APBB2: variants seen among roughly 807,000 people sequenced by gnomAD.
APBB2 encodes the protein Fe65-like 1.
In APBB2, 38 loss-of-function variants were observed where a neutral mutation model predicts 82.5. The observed-to-expected ratio is 0.46, with a 90% CI of 0.36 to 0.60. The LOEUF (loss-of-function observed/expected upper bound fraction) is 0.60, where lower values mean the gene tolerates loss of function less well. Ranked by LOEUF, APBB2 falls within the 20% of genes least tolerant of loss-of-function variation. The pLI is 0.00. For synonymous variants in APBB2, 341 were observed against 368.2 expected (o/e 0.93, Z 0.85); for missense variants, 772 against 972.3 (o/e 0.79, Z 2.74).
chr4:41,163,691 G>T (rs1025640170), intron 1 of APBB2, among the ~76,000 whole-genome samples: 12 of 152,244 alleles, frequency 7.9e-5, no homozygotes, highest in Middle Eastern at 6.8e-3. Context: ...GGGAACACTG[G>T]ACCAATCCAC....
At chr4:41,025,651 GCTCATGCC>G (rs1678913505) in intron 5 of APBB2, among the ~76,000 whole-genome samples, 1 of 152,080 alleles carries the variant, frequency 6.6e-6, no homozygotes, top group Admixed American at 6.5e-5. Flanking sequence ...AGTCATGGTG[GCTCATGCC>G]TGTAATCCTA....
At chr4:40,984,608 G>A (rs1306841008) in intron 6 of APBB2, among the ~76,000 whole-genome samples, 1 of 152,112 alleles carries the variant, frequency 6.6e-6, no homozygotes, top group Non-Finnish European at 1.5e-5. Context: ...GGAGTGATAA[G>A]CGTTCTTCTA....
At chr4:40,830,391 C>A in intron 13 of APBB2, 72 bp downstream of exon 13, 1 of 1,050,828 alleles carries the variant, frequency 9.5e-7, no homozygotes, top group Non-Finnish European at 1.5e-6. Context: ...CCCACTCCCC[C>A]GCCCTTCCAC....
chr4:40,946,533 C>T (rs1223295695), intron 6 of APBB2, among the ~76,000 whole-genome samples: 1 of 151,998 alleles, frequency 6.6e-6, no homozygotes, highest in African/African-American at 2.4e-5. Flanking sequence ...TATCTGCTGG[C>T]TTTTAAAAAT....
intron 10 of APBB2, among the ~76,000 whole-genome samples, chr4:40,914,992 C>T (rs1023828240): frequency 3.9e-5 from 6 of 152,128 alleles, no homozygotes; most frequent in Admixed American, 1.3e-4. Context: ...AGTCATCTGA[C>T]AAGAGAGGGG....
At chr4:41,198,930 T>C (rs1175768700) in intron 1 of APBB2, among the ~76,000 whole-genome samples, 3 of 152,316 alleles carry the variant, frequency 2.0e-5, no homozygotes, top group African/African-American at 7.2e-5. Flanking sequence ...TCTACCTGTG[T>C]GTCTGTGTCC....
intron 1 of APBB2, among the ~76,000 whole-genome samples, chr4:41,144,219 C>A (rs1760048689): frequency 6.6e-6 from 1 of 152,176 alleles, no homozygotes; most frequent in Admixed American, 6.5e-5. Flanking sequence ...CAAAACAGTC[C>A]TCGTCACAAG....
chr4:41,176,038 C>T (rs1769682135), intron 1 of APBB2, among the ~76,000 whole-genome samples: 2 of 152,124 alleles, frequency 1.3e-5, no homozygotes, highest in African/African-American at 4.8e-5. Context: ...ATGAATGTAA[C>T]ATTTTTCACA....
intron 1 of APBB2, among the ~76,000 whole-genome samples, chr4:41,159,907 A>AAGGAGAAGGAGGAGGAGGAGG (rs1267899128): frequency 5.6e-5 from 2 of 35,618 alleles, no homozygotes; most frequent in Non-Finnish European, 9.9e-5. Context: ...GAAGAAGGAG[A>AAGGAGAAGGAGGAGGAGGAGG]AGGAGGAGGA....
chr4:40,981,668 G>A (rs1798508676), intron 6 of APBB2, among the ~76,000 whole-genome samples: 2 of 152,196 alleles, frequency 1.3e-5, no homozygotes, highest in Non-Finnish European at 2.9e-5. Flanking sequence ...AGGCCACCAT[G>A]ATGATGTACC....
intron 6 of APBB2, among the ~76,000 whole-genome samples, chr4:40,970,698 T>A (rs989719747): frequency 1.3e-5 from 2 of 152,032 alleles, no homozygotes; most frequent in African/African-American, 4.8e-5. Flanking sequence ...GAGGCACCAC[T>A]GGTAGGTAGA....
intron 6 of APBB2, among the ~76,000 whole-genome samples, chr4:41,003,041 CT>C (rs1238690970): frequency 6.6e-6 from 1 of 152,152 alleles, no homozygotes; most frequent in Non-Finnish European, 1.5e-5. Flanking sequence ...GCCAGCACCC[CT>C]CAACTATGCC....
At chr4:40,819,747 C>G (rs994471944) in intron 17 of APBB2, among the ~76,000 whole-genome samples, 2 of 152,186 alleles carry the variant, frequency 1.3e-5, no homozygotes, top group Non-Finnish European at 2.9e-5. Flanking sequence ...AAGTTATCTG[C>G]TTTTAGGGCC....
At chr4:41,149,158 A>G (rs1240946129) in intron 1 of APBB2, among the ~76,000 whole-genome samples, 2 of 152,136 alleles carry the variant, frequency 1.3e-5, no homozygotes, top group Non-Finnish European at 2.9e-5. Flanking sequence ...ACACTCCCCA[A>G]CACTTTTTTT....
intron 12 of APBB2, among the ~76,000 whole-genome samples, chr4:40,844,301 A>G (rs773514260): frequency 6.6e-5 from 10 of 151,998 alleles, no homozygotes; most frequent in Non-Finnish European, 1.3e-4. Context: ...TTTCCTCATC[A>G]TTGAAGAGGG....
In APBB2 at chr4:41,089,019, G is replaced by A. The variant is rs183539499; in HGVS notation, c.-149+11620C>T. On this transcript the variant is annotated intron_variant, in intron 3 of 17. Coordinates refer to ENST00000508593, the MANE Select transcript of APBB2 (RefSeq NM_004307.2). The stretch of plus-strand genomic sequence containing the variant: ...AAAGGGGCATTAATTTTTTTTTCTA[G>A]GTAACAAAGCTGAGAGAAGGGGCAT... Among the ~76,000 whole-genome samples the A allele has an allele frequency of 2.0e-5, 3 of 152,094 alleles. No individual in the cohort carries two copies. In the East Asian group the frequency reaches 5.8e-4, roughly 29 times the overall value.
At chr4:40,969,266 T>C (rs1190653553) in intron 6 of APBB2, among the ~76,000 whole-genome samples, 1 of 152,240 alleles carries the variant, frequency 6.6e-6, no homozygotes, top group Non-Finnish European at 1.5e-5. Flanking sequence ...CTTTAGCTCC[T>C]ACACCCTGAA....
At chr4:41,027,323 A>G (rs79393324) in intron 5 of APBB2, among the ~76,000 whole-genome samples, 6,159 of 148,802 alleles carry the variant, frequency 0.041, 287 homozygotes, top group African/African-American at 0.11. Context: ...TTTTTTGTAC[A>G]TACACACACA....
intron 10 of APBB2, among the ~76,000 whole-genome samples, chr4:40,895,566 T>C (rs908680329): frequency 2.0e-5 from 3 of 152,202 alleles, no homozygotes; most frequent in African/African-American, 7.2e-5. Flanking sequence ...CAGGTGGATG[T>C]GTTGGATATT....
Sources: allele counts gnomAD v4.1 joint callset (sites outside exome capture counted in the v4.1 genomes callset), GRCh38; gene constraint gnomAD v4.1.1; transcripts MANE v1.5; gene names NCBI Gene and HGNC (gene_info 2026-07-23, HGNC 2026-07-21).